The following PDE6C variants were observed in gnomAD, a reference collection of about 807,000 sequenced individuals.
The protein encoded by PDE6C is phosphodiesterase 6C.
PDE6C carries 75 observed loss-of-function variants against 113.1 expected under a neutral mutation model. The ratio of observed to expected loss-of-function variants is 0.66; its 90% CI spans 0.55 to 0.80. The LOEUF (loss-of-function observed/expected upper bound fraction) is 0.80. PDE6C is among the 30% of genes least tolerant of loss of function. PDE6C has a pLI of 0.00. For missense variants in PDE6C, 912 were observed against 1,038.6 expected (o/e 0.88, Z 1.67); for synonymous variants, 375 against 363.7 (o/e 1.03, Z -0.35).
intron 5 of PDE6C, 110 bp downstream of exon 5, chr10:93,625,759 C>T (rs771407547): frequency 2.4e-5 from 18 of 736,510 alleles, no homozygotes; most frequent in Non-Finnish European, 4.1e-5. Flanking sequence ...GTAGTAGAAA[C>T]AGCACTAGAC....
chr10:93,620,697 C>A lies in PDE6C; in HGVS notation c.546C>A (p.Thr182=), dbSNP rs764080397. The A allele has an allele frequency of 1.9e-6, 3 of 1,614,004 alleles. No individual in the cohort carries two copies. In the Admixed American group the frequency reaches 5.0e-5, roughly 27 times the overall value. ...TGYVTKNLLA[T]PIVVGKEVLA... ...ATGTCACTAAGAACCTGCTGGCAAC[C>A]CCGATCGTGGTGGGCAAGGAGGTTC... The change falls in exon 2 of 22, where the codon ACC becomes ACA. Residue 182 remains threonine (T), a synonymous_variant. Coordinates refer to ENST00000371447, the MANE Select transcript of PDE6C (RefSeq NM_006204.4).
chr10:93,613,651 C>T (rs146814793), intron 1 of PDE6C, among the ~76,000 whole-genome samples: 17 of 152,290 alleles, frequency 1.1e-4, no homozygotes, highest in African/African-American at 4.1e-4. Flanking sequence ...CATTCACAGT[C>T]CTTCGAAAAC....
intron 14 of PDE6C, among the ~76,000 whole-genome samples, chr10:93,645,583 G>A (rs1309816521): frequency 3.9e-5 from 6 of 152,128 alleles, no homozygotes; most frequent in African/African-American, 1.2e-4. Flanking sequence ...GGAGAGAAAT[G>A]TTACCTTATA....
chr10:93,654,802 CT>C (rs1554891587), intron 15 of PDE6C, among the ~76,000 whole-genome samples: 1 of 82,646 alleles, frequency 1.2e-5, no homozygotes, highest in African/African-American at 4.6e-5. Context: ...TTCTTTCTTT[CT>C]TTCTTTCTTT....
chr10:93,630,497 C>G (rs1449853769), intron 8 of PDE6C, among the ~76,000 whole-genome samples: 2 of 152,044 alleles, frequency 1.3e-5, no homozygotes, highest in East Asian at 3.9e-4. Flanking sequence ...TCCTCCCAAC[C>G]TGACTGTTAG....
intron 14 of PDE6C, among the ~76,000 whole-genome samples, chr10:93,642,917 AG>A (rs1203446667): frequency 6.6e-6 from 1 of 152,196 alleles, no homozygotes; most frequent in African/African-American, 2.4e-5. Context: ...TTCATCTCAA[AG>A]GTTCCAGCCT....
intron 15 of PDE6C, 150 bp from the exon 16 acceptor site, chr10:93,655,610 C>CAAAAAAAAAAAAAAAAAAAGAAAAAA: frequency 3.8e-6 from 1 of 265,130 alleles, no homozygotes; most frequent in Non-Finnish European, 6.6e-6. Flanking sequence ...AAAAGCAAGC[C>CAAAAAAAAAAAAAAAAAAAGAAAAAA]AAAAAAAAAA....
At chr10:93,620,244 C>G (rs1177195404) in intron 1 of PDE6C, among the ~76,000 whole-genome samples, 1 of 152,100 alleles carries the variant, frequency 6.6e-6, no homozygotes, top group East Asian at 1.9e-4. Flanking sequence ...GAGAAGCGCT[C>G]TATGAACTGT....
intron 5 of PDE6C, among the ~76,000 whole-genome samples, 166 bp from the exon 6 acceptor site, chr10:93,626,474 A>G (rs937402297): frequency 6.6e-6 from 1 of 152,214 alleles, no homozygotes; most frequent in African/African-American, 2.4e-5. Context: ...TGGTTTTATT[A>G]TAAGTTTGTA....
At chr10:93,644,074 C>A (rs1191489045) in intron 14 of PDE6C, among the ~76,000 whole-genome samples, 1 of 152,108 alleles carries the variant, frequency 6.6e-6, no homozygotes, top group African/African-American at 2.4e-5. Flanking sequence ...TGCAGAATAT[C>A]TTTCAATTTG....
At chr10:93,621,139 C>T (rs1214078205) in intron 3 of PDE6C, among the ~76,000 whole-genome samples, 159 bp downstream of exon 3, 1 of 152,076 alleles carries the variant, frequency 6.6e-6, no homozygotes, top group African/African-American at 2.4e-5. Context: ...GATCTTCCCG[C>T]CACTCTCCCC....
chr10:93,663,255 T>TA, intron 21 of PDE6C, 77 bp downstream of exon 21: 2 of 1,412,140 alleles, frequency 1.4e-6, no homozygotes, highest in Non-Finnish European at 2.0e-6. Context: ...GACAAAGCCA[T>TA]AAAGAGTCAC....
At position 93,652,221 on chromosome 10, in the gene PDE6C, T is replaced by C. The variant is rs1284820929; in HGVS notation, c.1936-3539T>C. 6.6e-5 allele frequency among the ~76,000 whole-genome samples: 10 copies of C among 152,136 alleles called. No individual in the cohort carries two copies. The South Asian group carries it at 1.9e-3, about 28-fold the overall frequency. ...ATGGGCCACAAATTTGGCCAAAACG[T>C]TTATCAGACACAGGCCACAAATTTG... is the stretch of plus-strand genomic sequence containing the variant. On this transcript the variant is annotated intron_variant, in intron 15 of 21. Transcript: ENST00000371447.
intron 1 of PDE6C, among the ~76,000 whole-genome samples, chr10:93,620,109 G>T (rs897678870): frequency 1.8e-4 from 27 of 152,154 alleles, no homozygotes; most frequent in African/African-American, 5.8e-4. Flanking sequence ...AGACACACCA[G>T]CAGTTAGCAC....
At chr10:93,638,362 T>C (rs2058543803) in intron 11 of PDE6C, among the ~76,000 whole-genome samples, 1 of 152,112 alleles carries the variant, frequency 6.6e-6, no homozygotes, top group Non-Finnish European at 1.5e-5. Context: ...TGTTTTCATG[T>C]CATCTGAGGT....
chr10:93,662,702 C>A, intron 20 of PDE6C, 59 bp downstream of exon 20: 1 of 858,902 alleles, frequency 1.2e-6, no homozygotes, highest in Non-Finnish European at 2.0e-6. Context: ...AATTTTCTTT[C>A]AAACTGTCAC....
intron 14 of PDE6C, among the ~76,000 whole-genome samples, chr10:93,642,332 C>T (rs1365489434): frequency 6.6e-6 from 1 of 152,052 alleles, no homozygotes; most frequent in Non-Finnish European, 1.5e-5. Flanking sequence ...CCACTGCACT[C>T]CAGCCTGGGT....
Position 93,658,994 on chromosome 10 carries a change from G to T in PDE6C, c.2130G>T (p.Lys710Asn). Residue 710 changes from lysine (K) to asparagine (N), a missense_variant, in exon 17 of 22, where the codon AAG becomes AAT. Coordinates refer to ENST00000371447, the MANE Select transcript of PDE6C (RefSeq NM_006204.4). ...AIKYVTVDPT[K>N]KEIIMAMMMT... ...AATATGTAACTGTTGATCCAACCAAGAAAGAGATTATCATGTAGGTAGTTG... is the reference window on the plus strand; with the variant it reads ...AATATGTAACTGTTGATCCAACCAATAAAGAGATTATCATGTAGGTAGTTG... The T allele has an allele frequency of 6.2e-7, 1 of 1,604,818 alleles. No individual in the cohort carries two copies. The highest frequency in any genetic ancestry group is 8.5e-7 in the Non-Finnish European group (1 of 1,171,756).
rs572311060 is a variant in PDE6C, at chr10:93,661,717, CAGAT to C, written c.2209-338_2209-335del. ...TTCACAGACATATGCTAGATGCTAA[CAGAT>C]AGACAGGACAAAGAACAACCGGCGA... On this transcript the variant is annotated intron_variant, in intron 18 of 21. Transcript: ENST00000371447. Among the ~76,000 whole-genome samples, 191 of 152,256 alleles carry C rather than the reference CAGAT, an allele frequency of 1.3e-3. 3 individuals are homozygous for C. Among genetic ancestry groups the C allele is most frequent in the Admixed American group, 9.0e-3 (138 of 15,280 alleles).
Sources: gnomAD v4.1 joint callset for allele counts (sites outside exome capture counted in the v4.1 genomes callset) on GRCh38, gnomAD v4.1.1 for gene constraint, MANE v1.5 for transcripts, NCBI Gene and HGNC (gene_info 2026-07-23, HGNC 2026-07-21) for gene names.